The following CA10 variants were observed in gnomAD, a reference collection of about 807,000 sequenced individuals.
CA10 encodes the protein carbonic anhydrase 10 (inactive), also known as carbonic anhydrase-related protein 10.
In CA10, 14 loss-of-function variants were observed where a neutral mutation model predicts 44.2. That is an observed-to-expected ratio of 0.32 (90% confidence interval 0.21 to 0.50). The LOEUF is 0.50. CA10 is among the 20% of genes least tolerant of loss of function. The pLI, the probability that CA10 is intolerant of heterozygous loss-of-function variation, is 0.99. For synonymous variants in CA10, 159 were observed against 141.6 expected (o/e 1.12, Z -0.87); for missense variants, 350 against 409.7 (o/e 0.85, Z 1.26).
chr17:51,984,346 T>C (rs1400960192), intron 2 of CA10, among the ~76,000 whole-genome samples: 1 of 151,814 alleles, frequency 6.6e-6, no homozygotes, highest in Non-Finnish European at 1.5e-5. Context: ...ACCTCTGGAA[T>C]ACAGCAAAGG....
intron 4 of CA10, among the ~76,000 whole-genome samples, chr17:51,735,177 C>A (rs929077748): frequency 1.3e-5 from 2 of 152,102 alleles, no homozygotes; most frequent in African/African-American, 4.8e-5. Flanking sequence ...GAAATGCTGA[C>A]CCTGTATATA....
At chr17:51,772,317 G>A (rs1314461293) in intron 3 of CA10, among the ~76,000 whole-genome samples, 4 of 152,128 alleles carry the variant, frequency 2.6e-5, no homozygotes, top group Non-Finnish European at 4.4e-5. Flanking sequence ...GCACACACAA[G>A]TAACAATTAT....
intron 4 of CA10, among the ~76,000 whole-genome samples, chr17:51,692,385 A>G (rs1015004058): frequency 8.1e-6 from 1 of 124,208 alleles, no homozygotes; most frequent in Admixed American, 8.4e-5. Context: ...CTATCTATCT[A>G]TCTATCTATC....
intron 3 of CA10, among the ~76,000 whole-genome samples, chr17:51,821,338 G>A (rs1488179744): frequency 1.3e-5 from 2 of 151,752 alleles, no homozygotes; most frequent in African/African-American, 4.9e-5. Context: ...AAGAGGGAAA[G>A]TCAATATTGA....
At chr17:51,774,217 A>G (rs1905721443) in intron 3 of CA10, among the ~76,000 whole-genome samples, 1 of 152,200 alleles carries the variant, frequency 6.6e-6, no homozygotes, top group Admixed American at 6.5e-5. Context: ...CTTTTTCAAA[A>G]GAGTTCAACC....
At position 52,100,359 on chromosome 17, in the gene CA10, G is replaced by T. The variant is rs1311425499; in HGVS notation, c.62-27966C>A. Among the ~76,000 whole-genome samples, 5 of 152,024 alleles carry T rather than the reference G, an allele frequency of 3.3e-5. No homozygotes were observed. The East Asian group carries it at 7.7e-4, about 23-fold the overall frequency. ...AGATAGTTTATTTGGGCAGTGAAAAGGTATAGGAGTTTCTGTCTGCCTCAA... is the reference window on the plus strand; with the variant it reads ...AGATAGTTTATTTGGGCAGTGAAAATGTATAGGAGTTTCTGTCTGCCTCAA... On this transcript the variant is annotated intron_variant, in intron 1 of 8. Coordinates refer to ENST00000451037, the MANE Select transcript of CA10 (RefSeq NM_020178.5).
intron 5 of CA10, among the ~76,000 whole-genome samples, chr17:51,651,698 G>A (rs552305080): frequency 9.2e-4 from 140 of 152,284 alleles, no homozygotes; most frequent in African/African-American, 3.0e-3. Flanking sequence ...CAGTGTATCC[G>A]TCACTCTGTC....
At chr17:52,037,668 G>A (rs550488924) in intron 2 of CA10, among the ~76,000 whole-genome samples, 55 of 152,124 alleles carry the variant, frequency 3.6e-4, no homozygotes, top group African/African-American at 1.2e-3. Context: ...AGCCCTCTGT[G>A]ATCCCCAGAT....
intron 3 of CA10, among the ~76,000 whole-genome samples, chr17:51,873,777 G>T (rs987147876): frequency 1.3e-5 from 2 of 152,124 alleles, no homozygotes; most frequent in Non-Finnish European, 2.9e-5. Context: ...GTGTTGTTCT[G>T]GGAGTCACTC....
rs112463911 is a variant in CA10, at chr17:52,157,629, C to T, written c.61+97G>A. ...GCAGAACTCAAAGGGTCTCGCCACCCCTCTCTCTGCCCCGCGGCTATATAC... is the reference window on the plus strand; with the variant it reads ...GCAGAACTCAAAGGGTCTCGCCACCTCTCTCTCTGCCCCGCGGCTATATAC... On this transcript the variant is annotated intron_variant, in intron 1 of 8. Coordinates refer to ENST00000451037, the MANE Select transcript of CA10 (RefSeq NM_020178.5). 3.0e-3 allele frequency: 3,299 copies of T among 1,106,596 alleles called. 63 individuals are homozygous for T. In the African/African-American group the frequency reaches 0.044, roughly 15 times the overall value. 68.5% of individuals were successfully genotyped at this position (1,106,596 alleles called of 1,614,324 possible). A position where few individuals can be genotyped will look rare whatever the true frequency, so the allele number is the denominator to read the frequency against.
intron 2 of CA10, among the ~76,000 whole-genome samples, chr17:52,036,350 T>C (rs1986618054): frequency 1.3e-5 from 2 of 152,172 alleles, no homozygotes; most frequent in Admixed American, 1.3e-4. Context: ...GCTCTGGGTA[T>C]ATAAAGATAA....
chr17:52,019,116 T>A (rs184143520), intron 2 of CA10, among the ~76,000 whole-genome samples: 16 of 152,224 alleles, frequency 1.1e-4, no homozygotes, highest in Non-Finnish European at 2.9e-5. Context: ...CCAGCAGAGC[T>A]ATGAGACAAA....
chr17:52,073,867 G>T (rs1987748900), intron 1 of CA10, among the ~76,000 whole-genome samples: 1 of 152,174 alleles, frequency 6.6e-6, no homozygotes, highest in Non-Finnish European at 1.5e-5. Context: ...ATTCAACTGA[G>T]ACTCTGGGAA....
At chr17:52,135,372 G>T (rs559949419) in intron 1 of CA10, among the ~76,000 whole-genome samples, 3 of 152,220 alleles carry the variant, frequency 2.0e-5, no homozygotes, top group Admixed American at 6.5e-5. Context: ...AAAGGCTTTT[G>T]TGTCCTCTGC....
chr17:52,129,867 A>G (rs768974471), intron 1 of CA10, among the ~76,000 whole-genome samples: 34 of 152,252 alleles, frequency 2.2e-4, no homozygotes, highest in Non-Finnish European at 3.7e-4. Flanking sequence ...AACAGAATAA[A>G]GACAACACCA....
intron 3 of CA10, among the ~76,000 whole-genome samples, chr17:51,832,135 C>A (rs768022428): frequency 8.5e-5 from 13 of 152,170 alleles, no homozygotes; most frequent in Non-Finnish European, 1.5e-4. Context: ...ACCCCCAGTG[C>A]CACCTGGGCA....
chr17:51,898,481 A>G (rs1349917830), intron 3 of CA10, among the ~76,000 whole-genome samples: 2 of 151,660 alleles, frequency 1.3e-5, no homozygotes, highest in Admixed American at 6.6e-5. Flanking sequence ...TTTTGCATCT[A>G]TTTTCTTCAA....
chr17:51,721,491 C>T (rs1338194220), intron 4 of CA10, among the ~76,000 whole-genome samples: 1 of 151,924 alleles, frequency 6.6e-6, no homozygotes, highest in East Asian at 2.0e-4. Context: ...CGCCTGCCAC[C>T]ACACCTAGCT....
intron 1 of CA10, among the ~76,000 whole-genome samples, chr17:52,153,635 A>G (rs777225077): frequency 3.3e-5 from 5 of 152,180 alleles, no homozygotes; most frequent in Admixed American, 6.5e-5. Context: ...TTATTTAGCC[A>G]AGGCTTCCTG....
Sources: gnomAD v4.1 joint callset for allele counts (sites outside exome capture counted in the v4.1 genomes callset) on GRCh38, gnomAD v4.1.1 for gene constraint, MANE v1.5 for transcripts, NCBI Gene and HGNC (gene_info 2026-07-23, HGNC 2026-07-21) for gene names.